ARHGEF3: variants seen among roughly 807,000 people sequenced by gnomAD.
The protein encoded by ARHGEF3 is 59.8 kDA protein.
A neutral mutation model predicts 63.2 loss-of-function variants in ARHGEF3; 28 were observed. The ratio of observed to expected loss-of-function variants is 0.44; its 90% confidence interval spans 0.33 to 0.61. The LOEUF (loss-of-function observed/expected upper bound fraction) is 0.61, where lower values mean the gene tolerates loss of function less well. ARHGEF3 is among the 20% of genes least tolerant of loss of function. The pLI is 0.03. For synonymous variants in ARHGEF3, 266 were observed against 254.2 expected (o/e 1.05, Z -0.44); for missense variants, 533 against 659.3 (o/e 0.81, Z 2.10).
intron 3 of ARHGEF3, among the ~76,000 whole-genome samples, chr3:56,948,538 A>G (rs1441678767): frequency 6.6e-6 from 1 of 152,258 alleles, no homozygotes; most frequent in Non-Finnish European, 1.5e-5. Context: ...GAAGAAATGG[A>G]TAAATTCCTC....
intron 3 of ARHGEF3, among the ~76,000 whole-genome samples, chr3:56,946,574 A>G (rs1328820512): frequency 2.0e-5 from 3 of 152,234 alleles, no homozygotes; most frequent in Non-Finnish European, 4.4e-5. Context: ...AAAAGTTTAG[A>G]GAAAAAAGAA....
rs987815344 is a variant in ARHGEF3, at chr3:56,733,759, G to A, written c.1042-1335C>T. Among the ~76,000 whole-genome samples the A allele has an allele frequency of 2.6e-5, 4 of 151,936 alleles. 1 individual carries two copies. Among genetic ancestry groups the A allele is most frequent in the Non-Finnish European group, 5.9e-5 (4 of 67,992 alleles). ...AGCACTTTGGGAGGCCGAGGTGGGC[G>A]GATCACCTGAGGTCAGGAGTTCAAG... On this transcript the variant is annotated intron_variant, in intron 8 of 9. Coordinates refer to ENST00000296315, the MANE Select transcript of ARHGEF3 (RefSeq NM_019555.3).
chr3:56,745,410 T>C lies in ARHGEF3; in HGVS notation c.665A>G (p.Lys222Arg). ...DSYCSNQVAAKALLDHKKQDH... is the reference protein window; with the variant it reads ...DSYCSNQVAARALLDHKKQDH... ...TTGCTTTTTGTGGTCCAGCAGAGCT[T>C]TGGCGGCTACTTGATTGCTGCAGTA... The change falls in exon 7 of 10, where the codon AAA (lysine) becomes AGA (arginine). Residue 222 changes from lysine (K) to arginine (R), a missense_variant. Lys to Arg is a conservative substitution (Grantham distance 26). This residue lies in a region of ARHGEF3 where 107 missense variants were observed against 207.9 expected (regional missense o/e 0.51). Transcript: ENST00000296315. 1 of 1,613,998 alleles carries C rather than the reference T, an allele frequency of 6.2e-7. No homozygotes were observed. Among genetic ancestry groups the C allele is most frequent in the Non-Finnish European group, 8.5e-7 (1 of 1,179,996 alleles).
intron 2 of ARHGEF3, among the ~76,000 whole-genome samples, chr3:57,002,479 T>TTATATATATATATA (rs1159985048): frequency 1.2e-3 from 49 of 39,462 alleles, no homozygotes; most frequent in South Asian, 2.4e-3. Flanking sequence ...TATATATATG[T>TTATATATATATATA]TATATATATA....
intron 3 of ARHGEF3, among the ~76,000 whole-genome samples, chr3:56,922,373 A>G (rs903123380): frequency 2.0e-5 from 3 of 152,162 alleles, no homozygotes; most frequent in Non-Finnish European, 2.9e-5. Flanking sequence ...AAAAAAGTTT[A>G]AAAACTGATT....
At position 57,009,835 on chromosome 3, in the gene ARHGEF3, TTAA is replaced by T. The variant is rs72283293; in HGVS notation, c.62+25250_62+25252del. 2.0e-4 allele frequency among the ~76,000 whole-genome samples: 31 copies of T among 152,232 alleles called. No individual in the cohort carries two copies. In the South Asian group the frequency reaches 5.2e-3, roughly 26 times the overall value. ...GTAATAATAATCATGTTATGATTAA[TTAA>T]TAATAATAATAGTGAGCAGCAACAC... On this transcript the variant is annotated intron_variant, in intron 2 of 12. Transcript: ENST00000338458.
At chr3:56,837,022 C>T (rs2039136099) in intron 4 of ARHGEF3, among the ~76,000 whole-genome samples, 1 of 152,126 alleles carries the variant, frequency 6.6e-6, no homozygotes, top group Non-Finnish European at 1.5e-5. Flanking sequence ...TCCAGAAGAC[C>T]CATTCTCCAA....
intron 2 of ARHGEF3, among the ~76,000 whole-genome samples, chr3:57,033,862 T>G (rs559369067): frequency 9.2e-5 from 14 of 152,120 alleles, no homozygotes; most frequent in African/African-American, 2.6e-4. Flanking sequence ...CTGGCCAACA[T>G]AGTGAAACTT....
intron 3 of ARHGEF3, among the ~76,000 whole-genome samples, chr3:56,935,640 G>T (rs570585051): frequency 6.6e-6 from 1 of 151,898 alleles, no homozygotes; most frequent in African/African-American, 2.4e-5. Context: ...CACTCACCAC[G>T]AAGGTCTGCA....
At chr3:56,952,268 C>T (rs946956156) in intron 3 of ARHGEF3, among the ~76,000 whole-genome samples, 1 of 150,762 alleles carries the variant, frequency 6.6e-6, no homozygotes, top group African/African-American at 2.5e-5. Context: ...ACATGGCAAG[C>T]TCTCTGACAG....
intron 2 of ARHGEF3, among the ~76,000 whole-genome samples, chr3:57,014,157 C>T (rs936982846): frequency 3.9e-5 from 6 of 152,184 alleles, no homozygotes; most frequent in Non-Finnish European, 5.9e-5. Context: ...AGGTTTGCAG[C>T]TTCACTCTTG....
chr3:56,791,586 T>C (rs1319727514), intron 1 of ARHGEF3, among the ~76,000 whole-genome samples: 2 of 152,202 alleles, frequency 1.3e-5, no homozygotes, highest in Non-Finnish European at 2.9e-5. Flanking sequence ...CTGCACAGTG[T>C]TCTGGCTAAC....
At chr3:56,776,071 T>A (rs1324853075) in intron 1 of ARHGEF3, among the ~76,000 whole-genome samples, 2 of 152,200 alleles carry the variant, frequency 1.3e-5, no homozygotes, top group Non-Finnish European at 2.9e-5. Flanking sequence ...AAACGCCAAC[T>A]GGGTTCCCTT....
At chr3:56,967,266 T>C (rs1300454689) in intron 2 of ARHGEF3, among the ~76,000 whole-genome samples, 7 of 89,458 alleles carry the variant, frequency 7.8e-5, no homozygotes, top group African/African-American at 2.3e-4. Context: ...TACATACTTA[T>C]ATATAATAAT....
rs973676392 is a variant in ARHGEF3, at chr3:56,916,401, G to C, written c.130-34047C>G. Reference sequence around the variant, plus strand: ...GCTCCTAACTGCAGTGGAGCCCTGTGCACAGGATTCTCTGAACAGGGCTGA... The same window carrying C: ...GCTCCTAACTGCAGTGGAGCCCTGTCCACAGGATTCTCTGAACAGGGCTGA... On this transcript the variant is annotated intron_variant, in intron 3 of 12. Transcript: ENST00000338458. The C allele has an allele frequency of 2.0e-6, 3 of 1,525,228 alleles. No individual in the cohort carries two copies. In the African/African-American group the frequency reaches 4.1e-5, roughly 21 times the overall value. The allele number at this position is 1,525,228 out of a possible 1,614,324, so 94.5% of individuals were successfully genotyped here. A position where few individuals can be genotyped will look rare whatever the true frequency, so the allele number is the denominator to read the frequency against.
intron 4 of ARHGEF3, among the ~76,000 whole-genome samples, chr3:56,837,298 C>T (rs1035227894): frequency 1.3e-5 from 2 of 152,174 alleles, no homozygotes; most frequent in South Asian, 4.1e-4. Context: ...TTCTACTCTG[C>T]TACCATACTC....
intron 4 of ARHGEF3, among the ~76,000 whole-genome samples, chr3:56,864,316 T>C (rs551476562): frequency 6.6e-6 from 1 of 152,324 alleles, no homozygotes; most frequent in Admixed American, 6.5e-5. Context: ...AAGCAGCATG[T>C]TCCATCCTGC....
chr3:56,949,762 C>T (rs1471899890), intron 3 of ARHGEF3, among the ~76,000 whole-genome samples: 1 of 151,976 alleles, frequency 6.6e-6, no homozygotes, highest in East Asian at 1.9e-4. Context: ...ATTTTCTTCA[C>T]AGAATTGGAA....
chr3:56,926,663 T>C (rs1350101399), intron 3 of ARHGEF3, among the ~76,000 whole-genome samples: 1 of 152,206 alleles, frequency 6.6e-6, no homozygotes, highest in African/African-American at 2.4e-5. Context: ...CACAGAGCTC[T>C]CACATGGATA....
Sources: allele counts gnomAD v4.1 joint callset (sites outside exome capture counted in the v4.1 genomes callset), GRCh38; gene constraint gnomAD v4.1.1; regional missense constraint gnomAD v4.1.1; transcripts MANE v1.5; gene names NCBI Gene and HGNC (gene_info 2026-07-23, HGNC 2026-07-21).